The following TRPM4 variants were observed in gnomAD, a reference collection of about 807,000 sequenced individuals.
TRPM4 encodes calcium-activated non-selective cation channel 1.
TRPM4 carries 124 observed loss-of-function variants against 135.6 expected under a neutral mutation model. That is an observed-to-expected ratio of 0.91 (90% CI 0.79 to 1.06). TRPM4 has a LOEUF of 1.06. Ranked by LOEUF, TRPM4 falls within the 50% of genes least tolerant of loss-of-function variation. TRPM4 has a pLI of 0.00. For missense variants in TRPM4, 1,658 were observed against 1,671.4 expected, an observed-to-expected ratio of 0.99 and a Z score of 0.14; for synonymous variants, 745 against 705.6, an observed-to-expected ratio of 1.06 and a Z score of -0.88.
intron 9 of TRPM4, among the ~76,000 whole-genome samples, chr19:49,173,545 C>G (rs1046935005): frequency 6.6e-5 from 10 of 152,214 alleles, no homozygotes; most frequent in Non-Finnish European, 1.5e-4. Flanking sequence ...AGCACTGTCT[C>G]CCAGTGAGGA....
chr19:49,188,536 C>T, intron 12 of TRPM4, 105 bp from the exon 13 acceptor site: 2 of 1,513,004 alleles, frequency 1.3e-6, no homozygotes, highest in Non-Finnish European at 1.8e-6. Flanking sequence ...CTCTGATGAC[C>T]CCAGTTAGTT....
chr19:49,164,682 T>TCTTGCTTGCTTG (rs113888558), intron 2 of TRPM4, among the ~76,000 whole-genome samples: 50 of 144,658 alleles, frequency 3.5e-4, no homozygotes, highest in Middle Eastern at 3.8e-3. Context: ...GCGCCCGGCC[T>TCTTGCTTGCTTG]CTTGCTTGCT....
At chr19:49,198,646 CAAAAAA>C (rs35173042) in intron 17 of TRPM4, among the ~76,000 whole-genome samples, 11 of 72,722 alleles carry the variant, frequency 1.5e-4, no homozygotes, top group Non-Finnish European at 2.5e-4. Context: ...AAAACTCTGT[CAAAAAA>C]AAAAAAAAAA....
intron 2 of TRPM4, chr19:49,159,154 C>G (rs1386908276): frequency 1.3e-5 from 2 of 151,330 alleles, no homozygotes; most frequent in Non-Finnish European, 2.9e-5. Context: ...GCCTCAGCCT[C>G]CCGAGTAGCT....
rs201363688 is a variant in TRPM4, at chr19:49,188,803, G to A, written c.1873+33G>A. 695 of 1,613,094 alleles carry A rather than the reference G, an allele frequency of 4.3e-4. 1 individual carries two copies. Among genetic ancestry groups the A allele is most frequent in the Non-Finnish European group, 5.7e-4 (668 of 1,179,558 alleles). ...GGGCACGGTGCCTGGGAGCAGGGAC[G>A]GGGGCTGCCGCCAGAGGGGGATGTG... On this transcript the variant is annotated intron_variant, in intron 13 of 24. Coordinates refer to ENST00000252826, the MANE Select transcript of TRPM4 (RefSeq NM_017636.4).
At chr19:49,188,552 C>T (rs1968280275) in intron 12 of TRPM4, 89 bp from the exon 13 acceptor site, 6 of 1,589,050 alleles carry the variant, frequency 3.8e-6, no homozygotes, top group Non-Finnish European at 5.2e-6. Context: ...TAGTTTCTGA[C>T]CTCTGACTCT....
Position 49,211,578 on chromosome 19 carries a change from C to T in TRPM4, c.*80C>T, listed in dbSNP as rs75615609. On this transcript the variant is annotated 3_prime_UTR_variant, in exon 25 of 25. Coordinates refer to ENST00000252826, the MANE Select transcript of TRPM4 (RefSeq NM_017636.4). This position sits in a 1 kb window ranked among gnomAD's most constrained non-coding sequence, Gnocchi z 4.8. ...TAAGGCTCATCTGGGCCTCGGCCCC[C>T]GCACCTGGTGGCCTTGTCCTTGAGG... The T allele has an allele frequency of 1.2e-3, 1,948 of 1,579,832 alleles. 23 individuals are homozygous for T. The African/African-American group carries it at 0.023, about 19-fold the overall frequency.
intron 9 of TRPM4, among the ~76,000 whole-genome samples, chr19:49,175,067 C>CTGTTTTTTTTT (rs1967627081): frequency 1.3e-5 from 1 of 77,596 alleles, no homozygotes; most frequent in Non-Finnish European, 2.2e-5. Flanking sequence ...TCATGCCTGG[C>CTGTTTTTTTTT]TTTTTTTTTT....
chr19:49,183,137 G>A lies in TRPM4; in HGVS notation c.1668G>A (p.Gln556=). Residue 556 remains glutamine (Q), a synonymous_variant, in exon 12 of 25, where the codon CAG becomes CAA. Coordinates refer to ENST00000252826, the MANE Select transcript of TRPM4 (RefSeq NM_017636.4). Reference sequence around the variant, plus strand: ...TCTCGCTGGATGCTGGCCTCGGGCAGGCCCCCTGGAGCGACCTGCTTCTTT... The same window carrying A: ...TCTCGCTGGATGCTGGCCTCGGGCAAGCCCCCTGGAGCGACCTGCTTCTTT... The part of the protein sequence containing the change: ...SPLSLDAGLG[Q]APWSDLLLWA... 3 of 1,614,016 alleles carry A rather than the reference G, an allele frequency of 1.9e-6. No individual in the cohort carries two copies. The South Asian group carries it at 3.3e-5, about 18-fold the overall frequency.
Position 49,171,948 on chromosome 19 carries a change from AG to A in TRPM4, c.1051-58del. 1 of 1,452,818 alleles carries A rather than the reference AG, an allele frequency of 6.9e-7. No homozygotes were observed. The highest frequency in any genetic ancestry group is 1.4e-5 in the African/African-American group (1 of 71,784). The allele number at this position is 1,452,818 out of a possible 1,614,324, so 90.0% of individuals were successfully genotyped here. Reference sequence around the variant, plus strand: ...AATGGCCTCCTCCATCCCTTTGGACAGGGCCCAACAGGAGTTGGGGATGGAG... The same window carrying A: ...AATGGCCTCCTCCATCCCTTTGGACAGGCCCAACAGGAGTTGGGGATGGAG... On this transcript the variant is annotated intron_variant, in intron 8 of 24. Coordinates refer to ENST00000252826, the MANE Select transcript of TRPM4 (RefSeq NM_017636.4). This position sits in a 1 kb window ranked among gnomAD's most constrained non-coding sequence, Gnocchi z 4.7.
intron 12 of TRPM4, among the ~76,000 whole-genome samples, chr19:49,187,994 A>G (rs909721932): frequency 2.6e-5 from 4 of 152,182 alleles, no homozygotes; most frequent in African/African-American, 9.7e-5. Flanking sequence ...TGTTACAGTA[A>G]TGATGTTATC....
intron 20 of TRPM4, among the ~76,000 whole-genome samples, chr19:49,206,659 G>A (rs1404506557): frequency 2.0e-5 from 3 of 151,708 alleles, no homozygotes; most frequent in Non-Finnish European, 2.9e-5. Context: ...GGCTGGTCTC[G>A]AACTCCCGAC....
At position 49,181,532 on chromosome 19, in the gene TRPM4, T is replaced by TC. The variant is rs1419396437; in HGVS notation, c.1263+71_1263+72insC. 1,466 of 323,812 alleles carry TC rather than the reference T, an allele frequency of 4.5e-3. 5 individuals are homozygous for TC. The highest frequency in any genetic ancestry group is 5.7e-3 in the Non-Finnish European group (1,192 of 210,650). The allele number at this position is 323,812 out of a possible 1,614,324, so 20.1% of individuals were successfully genotyped here. A position where few individuals can be genotyped will look rare whatever the true frequency, so the allele number is the denominator to read the frequency against. On this transcript the variant is annotated intron_variant, in intron 10 of 24. Transcript: ENST00000252826. ...GTGCTGTCCTCCCTCTCTGCCTTCT[T>TC]TTTTTTTTTTTTTTTTTTTGACGGA...
In TRPM4 at chr19:49,211,489, C is replaced by G; in HGVS notation, c.3641-5C>G. ...ACCTGCTCTCTCTTTTCTCTCTTCCCCCAGACTGAGCCCTGCTGGCGGACT... is the reference window on the plus strand; with the variant it reads ...ACCTGCTCTCTCTTTTCTCTCTTCCGCCAGACTGAGCCCTGCTGGCGGACT... On this transcript the variant is annotated splice_polypyrimidine_tract_variant and splice_region_variant and intron_variant, in intron 24 of 24. Transcript: ENST00000252826. This position sits in a 1 kb window ranked among gnomAD's most constrained non-coding sequence, Gnocchi z 4.8. 1 of 1,614,060 alleles carries G rather than the reference C, an allele frequency of 6.2e-7. No individual in the cohort carries two copies.
chr19:49,170,107 G>A (rs1238956188), intron 6 of TRPM4, among the ~76,000 whole-genome samples: 1 of 152,258 alleles, frequency 6.6e-6, no homozygotes, highest in South Asian at 2.1e-4. Context: ...TCACTTCAGT[G>A]ATTTCATTTT....
intron 9 of TRPM4, among the ~76,000 whole-genome samples, chr19:49,176,053 A>G (rs1231399292): frequency 6.7e-6 from 1 of 150,016 alleles, no homozygotes; most frequent in Admixed American, 6.7e-5. Flanking sequence ...CCTCCTGAGT[A>G]GCTGGGATTA....
In TRPM4 at chr19:49,188,658, C is replaced by T. The variant is rs767980233; in HGVS notation, c.1761C>T (p.Ser587=). 3.7e-6 allele frequency: 6 copies of T among 1,614,054 alleles called. No homozygotes were observed. The highest frequency in any genetic ancestry group is 1.3e-5 in the African/African-American group (1 of 74,920). ...YFWEMGSNAV[S]SALGACLLLR... Reference sequence around the variant, plus strand: ...CTCTCCAGGGTTCCAATGCAGTTTCCTCAGCTCTTGGGGCCTGTTTGCTGC... The same window carrying T: ...CTCTCCAGGGTTCCAATGCAGTTTCTTCAGCTCTTGGGGCCTGTTTGCTGC... Residue 587 remains serine, a synonymous_variant, in exon 13 of 25, where the codon TCC becomes TCT. Transcript: ENST00000252826.
chr19:49,211,488 C>A lies in TRPM4; in HGVS notation c.3641-6C>A. The stretch of plus-strand genomic sequence containing the variant: ...CACCTGCTCTCTCTTTTCTCTCTTC[C>A]CCCAGACTGAGCCCTGCTGGCGGAC... On this transcript the variant is annotated splice_polypyrimidine_tract_variant and splice_region_variant and intron_variant, in intron 24 of 24. Transcript: ENST00000252826. This position sits in a 1 kb window ranked among gnomAD's most constrained non-coding sequence, Gnocchi z 4.8. 6.2e-7 allele frequency: 1 copy of A among 1,614,056 alleles called. No individual in the cohort carries two copies. Among genetic ancestry groups the A allele is most frequent in the Non-Finnish European group, 8.5e-7 (1 of 1,180,036 alleles).
intron 20 of TRPM4, among the ~76,000 whole-genome samples, chr19:49,202,877 ACTT>A (rs1968988012): frequency 8.2e-6 from 1 of 121,518 alleles, no homozygotes; most frequent in Admixed American, 8.2e-5. Flanking sequence ...TTCCATTTTT[ACTT>A]CTTTTTTTTT....
Sources: gnomAD v4.1 joint callset for allele counts (sites outside exome capture counted in the v4.1 genomes callset) on GRCh38, gnomAD v4.1.1 for gene constraint, Gnocchi (gnomAD v3.1) non-coding constraint, MANE v1.5 for transcripts, NCBI Gene and HGNC (gene_info 2026-07-23, HGNC 2026-07-21) for gene names.